MYO16: variants seen among roughly 807,000 people sequenced by gnomAD.
MYO16 encodes the protein myosin XVI, also known as unconventional myosin-XVI.
A neutral mutation model predicts 205.3 loss-of-function variants in MYO16; 94 were observed. That is an observed-to-expected ratio of 0.46 (90% CI 0.39 to 0.54). The LOEUF (loss-of-function observed/expected upper bound fraction) is 0.54. Ranked by LOEUF, MYO16 falls within the 20% of genes least tolerant of loss-of-function variation. The pLI is 0.00. For synonymous variants in MYO16, 988 were observed against 954.0 expected (o/e 1.04, Z -0.66); for missense variants, 2,315 against 2,387.5 (o/e 0.97, Z 0.63).
chr13:108,584,330 C>T, the MYO16 span, among the ~76,000 whole-genome samples: 1 of 152,058 alleles, frequency 6.6e-6, no homozygotes, highest in African/African-American at 2.4e-5. Context: ...TGGTCAAATG[C>T]TATTGAAATC....
chr13:108,533,241 G>A, the MYO16 span, among the ~76,000 whole-genome samples: 32 of 152,216 alleles, frequency 2.1e-4, no homozygotes, highest in South Asian at 4.2e-4. Context: ...GTTACCTCCC[G>A]AGAGGTAACT....
At chr13:108,659,846 G>C (rs1479864987) in intron 1 of MYO16, among the ~76,000 whole-genome samples, 1 of 152,146 alleles carries the variant, frequency 6.6e-6, no homozygotes, top group Non-Finnish European at 1.5e-5. Context: ...TGCCTTTATG[G>C]GGCTTACTAA....
intron 4 of MYO16, among the ~76,000 whole-genome samples, chr13:108,763,787 T>TTGTGTGTGTGTG (rs56115831): frequency 0.012 from 1,729 of 142,572 alleles, 39 homozygotes; most frequent in African/African-American, 0.043. Context: ...AGAAAAGGAG[T>TTGTGTGTGTGTG]TGTGTGTGTG....
At chr13:108,807,747 G>T (rs1887158380) in intron 7 of MYO16, among the ~76,000 whole-genome samples, 1 of 152,142 alleles carries the variant, frequency 6.6e-6, no homozygotes, top group African/African-American at 2.4e-5. Flanking sequence ...TCTTCCCAGG[G>T]TTATTGTCAT....
In MYO16 at chr13:108,868,187, G is replaced by A. The variant is rs149804986; in HGVS notation, c.1425+1945G>A. On this transcript the variant is annotated intron_variant, in intron 12 of 34. Transcript: ENST00000457511. ...GAAAGAGTGGAATTGGTACATCAAA[G>A]TGTATACATACAATCAGTTTTGATA... Among the ~76,000 whole-genome samples, 429 of 152,164 alleles carry A rather than the reference G, an allele frequency of 2.8e-3. 4 individuals are homozygous for A. The highest frequency in any genetic ancestry group is 9.6e-3 in the African/African-American group (397 of 41,520).
chr13:108,892,480 A>G (rs1382995188), intron 14 of MYO16, among the ~76,000 whole-genome samples: 1 of 152,204 alleles, frequency 6.6e-6, no homozygotes, highest in African/African-American at 2.4e-5. Flanking sequence ...ACCTCAAGTG[A>G]TCTACCCACC....
chr13:108,563,999 G>A, the MYO16 span, among the ~76,000 whole-genome samples: 1 of 152,064 alleles, frequency 6.6e-6, no homozygotes, highest in Non-Finnish European at 1.5e-5. Context: ...ATTCTTGCCA[G>A]CATTTGTTAT....
intron 5 of MYO16, among the ~76,000 whole-genome samples, chr13:108,791,340 T>G (rs1450085261): frequency 6.6e-6 from 1 of 152,236 alleles, no homozygotes; most frequent in Admixed American, 6.5e-5. Context: ...CCATGCCTCC[T>G]AAATGACCAA....
intron 4 of MYO16, among the ~76,000 whole-genome samples, chr13:108,752,789 C>T (rs1328287636): frequency 6.8e-6 from 1 of 147,876 alleles, no homozygotes; most frequent in East Asian, 2.0e-4. Flanking sequence ...TTACAGACAC[C>T]TGCCACCGTG....
At chr13:108,842,000 C>T (rs1237715790) in intron 9 of MYO16, among the ~76,000 whole-genome samples, 1 of 152,040 alleles carries the variant, frequency 6.6e-6, no homozygotes, top group African/African-American at 2.4e-5. Context: ...ATAATTGGTA[C>T]TAGGAAAACT....
At chr13:108,566,731 A>AAGGG in the MYO16 span, among the ~76,000 whole-genome samples, 1 of 125,480 alleles carries the variant, frequency 8.0e-6, no homozygotes, top group African/African-American at 3.3e-5. Context: ...GGAAGGAAGG[A>AAGGG]AGGGAGGAAG....
intron 1 of MYO16, among the ~76,000 whole-genome samples, chr13:108,664,529 CTTG>C (rs1483917892): frequency 1.3e-5 from 2 of 152,172 alleles, no homozygotes; most frequent in East Asian, 1.9e-4. Context: ...GTTGTCATGA[CTTG>C]TTGTTCCTTC....
At chr13:109,146,998 T>C (rs1182503463) in intron 32 of MYO16, among the ~76,000 whole-genome samples, 2 of 151,908 alleles carry the variant, frequency 1.3e-5, no homozygotes, top group African/African-American at 4.8e-5. Flanking sequence ...AACCAATCAA[T>C]CCATTTCAGT....
chr13:108,732,250 T>C (rs996669326), intron 4 of MYO16, among the ~76,000 whole-genome samples: 2 of 152,214 alleles, frequency 1.3e-5, no homozygotes, highest in Middle Eastern at 3.2e-3. Context: ...GGTAGCCGTC[T>C]GTGTGTACTC....
chr13:108,552,528 TA>T, the MYO16 span, among the ~76,000 whole-genome samples: 1 of 152,172 alleles, frequency 6.6e-6, no homozygotes, highest in Non-Finnish European at 1.5e-5. Flanking sequence ...TCTTGCAAAC[TA>T]CCAGCTTACC....
At chr13:108,779,056 C>T (rs1212407652) in intron 4 of MYO16, among the ~76,000 whole-genome samples, 2 of 152,200 alleles carry the variant, frequency 1.3e-5, no homozygotes, top group Non-Finnish European at 2.9e-5. Context: ...AAATAACTCC[C>T]AAGACACTTG....
At chr13:108,861,956 G>T (rs1878468163) in intron 11 of MYO16, among the ~76,000 whole-genome samples, 1 of 151,800 alleles carries the variant, frequency 6.6e-6, no homozygotes, top group African/African-American at 2.4e-5. Context: ...GATTCTTTAG[G>T]GTTCATACTT....
chr13:108,503,627 A>G, the MYO16 span, among the ~76,000 whole-genome samples: 1 of 152,154 alleles, frequency 6.6e-6, no homozygotes, highest in Admixed American at 6.5e-5. Flanking sequence ...AATCTTTGGG[A>G]CATGATGGAG....
At position 109,127,304 on chromosome 13, in the gene MYO16, A is replaced by G. The variant is rs139876538; in HGVS notation, c.3805A>G (p.Arg1269Gly). 227 of 1,595,934 alleles carry G rather than the reference A, an allele frequency of 1.4e-4. No individual in the cohort carries two copies. The African/African-American group carries it at 1.7e-3, about 12-fold the overall frequency. The part of the protein sequence containing the change: ...SKRTDDKSGP[R>G]HFHPSSMSVC... ...AAGAACCGATGACAAGAGTGGACCC[A>G]GGCATTTCCACCCCAGCTCCATGTC... Residue 1269 changes from arginine (R) to glycine (G), a missense_variant, in exon 31 of 35, where the codon AGG becomes GGG. Arg to Gly is a moderately radical substitution (Grantham distance 125). Coordinates refer to ENST00000457511, the MANE Select transcript of MYO16 (RefSeq NM_001198950.3). The surrounding 1 kb of genome is among the most constrained non-coding windows in gnomAD (Gnocchi z 4.2).
Sources: allele counts gnomAD v4.1 joint callset (sites outside exome capture counted in the v4.1 genomes callset), GRCh38; gene constraint gnomAD v4.1.1; non-coding constraint Gnocchi (gnomAD v3.1); transcripts MANE v1.5; gene names NCBI Gene and HGNC (gene_info 2026-07-23, HGNC 2026-07-21).